The following PEPD variants were observed in gnomAD, a reference collection of about 807,000 sequenced individuals.
The protein encoded by PEPD is xaa-Pro dipeptidase.
PEPD carries 53 observed loss-of-function variants against 60.7 expected under a neutral mutation model. The observed-to-expected ratio is 0.87, with a 90% confidence interval of 0.70 to 1.10. PEPD has a LOEUF of 1.10. Ranked by LOEUF, PEPD falls within the 50% of genes least tolerant of loss-of-function variation. The probability of loss-of-function intolerance (pLI) is 0.00; values close to 1 mark genes in which losing one functional copy is unlikely to be tolerated. For missense variants in PEPD, 711 were observed against 711.9 expected (o/e 1.00, Z 0.01); for synonymous variants, 267 against 284.1 (o/e 0.94, Z 0.60).
intron 2 of PEPD, among the ~76,000 whole-genome samples, chr19:33,512,142 G>A (rs548453784): frequency 3.9e-4 from 59 of 152,292 alleles, no homozygotes; most frequent in African/African-American, 1.4e-3. Context: ...GCATGGCAGC[G>A]GGGAGAAAAC....
chr19:33,511,541 T>C (rs1970927311), intron 2 of PEPD: 5 of 339,652 alleles, frequency 1.5e-5, no homozygotes, highest in South Asian at 1.2e-4. Context: ...GCCGGATATC[T>C]GCACAGAAAT....
At chr19:33,411,613 T>G in intron 11 of PEPD, 59 bp downstream of exon 11, 1 of 942,322 alleles carries the variant, frequency 1.1e-6, no homozygotes, top group Non-Finnish European at 1.7e-6. Context: ...ATCTTGAAGT[T>G]GAGTCCAACC....
chr19:33,417,071 C>A (rs563429827), intron 9 of PEPD, among the ~76,000 whole-genome samples: 1 of 152,244 alleles, frequency 6.6e-6, no homozygotes, highest in African/African-American at 2.4e-5. Flanking sequence ...AACATGAAGA[C>A]GAGTCACAGT....
intron 11 of PEPD, among the ~76,000 whole-genome samples, chr19:33,403,984 G>C (rs1170934508): frequency 2.0e-5 from 3 of 152,242 alleles, no homozygotes; most frequent in Admixed American, 2.0e-4. Flanking sequence ...TGGCCGGGAA[G>C]GCGGGGCACA....
intron 7 of PEPD, among the ~76,000 whole-genome samples, chr19:33,465,383 C>T (rs1011668906): frequency 3.3e-5 from 5 of 152,164 alleles, no homozygotes; most frequent in South Asian, 2.1e-4. Context: ...GGGGACCCGC[C>T]GCATGGTGGG....
intron 9 of PEPD, among the ~76,000 whole-genome samples, chr19:33,435,803 C>T (rs919522499): frequency 3.9e-5 from 6 of 152,238 alleles, no homozygotes; most frequent in Admixed American, 2.6e-4. Context: ...GCTCCCATGG[C>T]GTCCCTGGAT....
At chr19:33,444,420 C>T (rs778452468) in intron 9 of PEPD, among the ~76,000 whole-genome samples, 22 of 152,014 alleles carry the variant, frequency 1.4e-4, no homozygotes, top group Non-Finnish European at 2.5e-4. Flanking sequence ...ACTGATACAG[C>T]CCCGGCTGTG....
At chr19:33,399,561 G>A (rs562871501) in intron 12 of PEPD, among the ~76,000 whole-genome samples, 37 of 152,222 alleles carry the variant, frequency 2.4e-4, no homozygotes, top group South Asian at 6.2e-4. Context: ...GGGCTCTGGA[G>A]GCTGGACTGG....
intron 7 of PEPD, among the ~76,000 whole-genome samples, chr19:33,473,119 C>T (rs768913435): frequency 1.3e-5 from 2 of 152,286 alleles, no homozygotes; most frequent in East Asian, 1.9e-4. Flanking sequence ...GGCCTGGCCA[C>T]GCCTTTCCTT....
chr19:33,475,988 A>G (rs186081907), intron 7 of PEPD, among the ~76,000 whole-genome samples: 5 of 152,174 alleles, frequency 3.3e-5, no homozygotes, highest in East Asian at 3.9e-4. Context: ...GCCTCCCAAG[A>G]AGCTAGGACT....
intron 7 of PEPD, among the ~76,000 whole-genome samples, chr19:33,466,574 A>G (rs2145277757): frequency 6.6e-6 from 1 of 152,306 alleles, no homozygotes; most frequent in East Asian, 1.9e-4. Context: ...CAGAATTGGG[A>G]TGCTGTGGTA....
At chr19:33,445,474 A>G (rs1041174523) in intron 9 of PEPD, among the ~76,000 whole-genome samples, 1 of 152,210 alleles carries the variant, frequency 6.6e-6, no homozygotes, top group African/African-American at 2.4e-5. Context: ...TGTTGTCCTG[A>G]TATGAGGACA....
intron 9 of PEPD, among the ~76,000 whole-genome samples, chr19:33,425,852 G>A (rs956135046): frequency 6.6e-6 from 1 of 152,204 alleles, no homozygotes; most frequent in Non-Finnish European, 1.5e-5. Flanking sequence ...CTTGGGCAAG[G>A]CCTTTGGTTC....
At chr19:33,392,901 T>G (rs1968259798) in intron 12 of PEPD, among the ~76,000 whole-genome samples, 1 of 138,778 alleles carries the variant, frequency 7.2e-6, no homozygotes, top group Non-Finnish European at 1.6e-5. Context: ...AAGTCCTTCA[T>G]GTTGGGACCC....
intron 12 of PEPD, among the ~76,000 whole-genome samples, chr19:33,394,283 T>G (rs1366387909): frequency 1.3e-5 from 2 of 152,344 alleles, no homozygotes; most frequent in East Asian, 3.9e-4. Context: ...CAGGCTAACT[T>G]CAGCAGTGGG....
chr19:33,452,809 A>T (rs1232460666), intron 9 of PEPD, among the ~76,000 whole-genome samples: 1 of 152,242 alleles, frequency 6.6e-6, no homozygotes, highest in Non-Finnish European at 1.5e-5. Context: ...TCTTCCCCAG[A>T]GAAACAACAG....
intron 1 of PEPD, among the ~76,000 whole-genome samples, chr19:33,517,874 G>A: frequency 6.6e-6 from 1 of 151,934 alleles, no homozygotes; most frequent in East Asian, 1.9e-4. Flanking sequence ...GGCTGAGGCA[G>A]GAGAACCACT....
At position 33,463,040 on chromosome 19, in the gene PEPD, A is replaced by C; in HGVS notation, c.626T>G (p.Val209Gly). Reference sequence around the variant, plus strand: ...CATTCCCACTTTTACAGCCTTCATTACCTGGAGGACGGATATTAAGCAAAG... The same window carrying C: ...CATTCCCACTTTTACAGCCTTCATTCCCTGGAGGACGGATATTAAGCAAAG... ...NKISSEAHRE[V>G]MKAVKVGMKE... Residue 209 changes from valine to glycine, a missense_variant and splice_region_variant, in exon 9 of 15, where the codon GTA becomes GGA. Physicochemically the swap from Val to Gly is moderately radical, Grantham distance 109. Coordinates refer to ENST00000244137, the MANE Select transcript of PEPD (RefSeq NM_000285.4). 6.3e-7 allele frequency: 1 copy of C among 1,577,912 alleles called. No homozygotes were observed. The highest frequency in any genetic ancestry group is 8.7e-7 in the Non-Finnish European group (1 of 1,146,982).
At chr19:33,408,122 G>C (rs1316482386) in intron 11 of PEPD, among the ~76,000 whole-genome samples, 1 of 152,240 alleles carries the variant, frequency 6.6e-6, no homozygotes, top group Non-Finnish European at 1.5e-5. Flanking sequence ...AGCAGTAGGA[G>C]GGGGGCCTAG....
Sources: gnomAD v4.1 joint callset for allele counts (sites outside exome capture counted in the v4.1 genomes callset) on GRCh38, gnomAD v4.1.1 for gene constraint, MANE v1.5 for transcripts, NCBI Gene and HGNC (gene_info 2026-07-23, HGNC 2026-07-21) for gene names.